PSD3: variants seen among roughly 807,000 people sequenced by gnomAD.
PSD3 encodes the protein pleckstrin and Sec7 domain containing 3, also known as PH and SEC7 domain-containing protein 3.
Under a neutral mutation model 105.5 loss-of-function variants are expected in PSD3, and 49 were observed. That is an observed-to-expected ratio of 0.46 (90% CI 0.37 to 0.59). The LOEUF is 0.59. Ranked by LOEUF, PSD3 falls within the 20% of genes least tolerant of loss-of-function variation. The pLI is 0.00. For synonymous variants in PSD3, 557 were observed against 457.8 expected, an observed-to-expected ratio of 1.22 and a Z score of -2.77; for missense variants, 1,561 against 1,263.8, an observed-to-expected ratio of 1.24 and a Z score of -3.57.
chr8:18,761,878 T>C (rs1806571051), intron 9 of PSD3, among the ~76,000 whole-genome samples: 1 of 152,222 alleles, frequency 6.6e-6, no homozygotes, highest in South Asian at 2.1e-4. Flanking sequence ...CAAATTTTTC[T>C]GTGTTTATCT....
At chr8:18,562,798 G>C (rs1405725370) in intron 14 of PSD3, among the ~76,000 whole-genome samples, 1 of 151,986 alleles carries the variant, frequency 6.6e-6, no homozygotes, top group Non-Finnish European at 1.5e-5. Context: ...CCGAGGCAGG[G>C]GAATTGCTTG....
intron 11 of PSD3, among the ~76,000 whole-genome samples, chr8:18,629,558 T>C (rs946612954): frequency 1.3e-5 from 2 of 151,868 alleles, no homozygotes; most frequent in African/African-American, 4.8e-5. Context: ...CACCTAACAA[T>C]ATACATGAAT....
At chr8:18,741,235 C>A (rs1489712756) in intron 9 of PSD3, among the ~76,000 whole-genome samples, 1 of 152,126 alleles carries the variant, frequency 6.6e-6, no homozygotes, top group Non-Finnish European at 1.5e-5. Context: ...AATCTCATTT[C>A]CTCCTGTAAC....
intron 9 of PSD3, among the ~76,000 whole-genome samples, chr8:18,724,416 A>G (rs949971576): frequency 1.3e-5 from 2 of 152,108 alleles, no homozygotes; most frequent in Non-Finnish European, 2.9e-5. Flanking sequence ...GTTCAAAGCC[A>G]GCCTGGGCAA....
chr8:18,708,562 T>G (rs1802040193), intron 9 of PSD3, among the ~76,000 whole-genome samples: 1 of 152,042 alleles, frequency 6.6e-6, no homozygotes. Flanking sequence ...TTTCCAAAAG[T>G]TTTTACTCTA....
intron 9 of PSD3, among the ~76,000 whole-genome samples, chr8:18,720,718 G>C (rs1469012892): frequency 1.3e-5 from 2 of 152,068 alleles, no homozygotes; most frequent in Admixed American, 6.6e-5. Context: ...TCTGCAGATG[G>C]CATACAATAC....
chr8:18,747,503 G>A (rs1478778725), intron 9 of PSD3, among the ~76,000 whole-genome samples: 2 of 152,182 alleles, frequency 1.3e-5, no homozygotes, highest in African/African-American at 4.8e-5. Context: ...GAAAGCAACA[G>A]CAATCTTTCT....
intron 11 of PSD3, among the ~76,000 whole-genome samples, chr8:18,619,408 G>C (rs1805943297): frequency 2.0e-5 from 3 of 152,144 alleles, no homozygotes; most frequent in Non-Finnish European, 4.4e-5. Context: ...ATTTTGGGAG[G>C]CCGAGGCAAG....
rs749631280 is a variant in PSD3, at chr8:18,871,984, C to T, written c.880G>A (p.Gly294Ser). 7 of 1,614,168 alleles carry T rather than the reference C, an allele frequency of 4.3e-6. No individual in the cohort carries two copies. The South Asian group carries it at 6.6e-5, about 15-fold the overall frequency. ...CDRSSSMGRP[G>S]RVKHVEFQGV... ...TGAAATTCCACATGTTTGACCCGGC[C>T]TGGGCGTCCCATGGAGCTGCTTCGA... The change falls in exon 3 of 16, where the codon GGC becomes AGC. Residue 294 changes from glycine (G) to serine (S), a missense_variant. Transcript: ENST00000327040.
chr8:18,717,034 T>G (rs1399888645), intron 9 of PSD3, among the ~76,000 whole-genome samples: 2 of 152,174 alleles, frequency 1.3e-5, no homozygotes, highest in East Asian at 3.9e-4. Flanking sequence ...AACTCAGACC[T>G]CTGGACTTAA....
chr8:18,714,702 C>T (rs899294353), intron 9 of PSD3, among the ~76,000 whole-genome samples: 1 of 152,156 alleles, frequency 6.6e-6, no homozygotes, highest in African/African-American at 2.4e-5. Context: ...TTGGTTCAAC[C>T]ATTGTAGAAG....
Position 18,979,495 on chromosome 8 carries a change from C to A in PSD3, c.21+34068G>T, listed in dbSNP as rs538531034. ...AAATTGCTGTTTTGATATGGTCTGC[C>A]CACAGTTCTTCCAAGGAAAATATTT... On this transcript the variant is annotated intron_variant, in intron 1 of 15. Coordinates refer to ENST00000327040, the MANE Select transcript of PSD3 (RefSeq NM_015310.4). 4 of 152,210 alleles carry A rather than the reference C, an allele frequency of 2.6e-5. No homozygotes were observed. In the East Asian group the frequency reaches 7.7e-4, roughly 29 times the overall value. The allele number at this position is 152,210 out of a possible 1,614,324, so 9.4% of individuals were successfully genotyped here. A position where few individuals can be genotyped will look rare whatever the true frequency, so the allele number is the denominator to read the frequency against.
At chr8:18,819,073 A>AAT (rs3042922) in intron 4 of PSD3, among the ~76,000 whole-genome samples, 121,170 of 151,700 alleles carry the variant, frequency 0.8, 49,388 homozygotes, top group East Asian at 0.91. Context: ...ACTTCCCGGC[A>AAT]AGACTACCTA....
Position 18,534,754 on chromosome 8 carries a change from TAGGA to T in PSD3, c.*985_*988del, listed in dbSNP as rs772130773. On this transcript the variant is annotated 3_prime_UTR_variant, in exon 16 of 16. Transcript: ENST00000327040. ...CTGTTTCATTTTAGTATTAATTTGTTAGGAAGGAAGACCTCAATATCACAACCAG... is the reference window on the plus strand; with the variant it reads ...CTGTTTCATTTTAGTATTAATTTGTTAGGAAGACCTCAATATCACAACCAG... 2 of 152,596 alleles carry T rather than the reference TAGGA, an allele frequency of 1.3e-5. No individual in the cohort carries two copies. Among genetic ancestry groups the T allele is most frequent in the Non-Finnish European group, 2.9e-5 (2 of 68,026 alleles). 9.5% of individuals were successfully genotyped at this position (152,596 alleles called of 1,614,324 possible).
At chr8:19,054,697 T>C (rs1324992328) in intron 1 of PSD3, among the ~76,000 whole-genome samples, 1 of 152,202 alleles carries the variant, frequency 6.6e-6, no homozygotes, top group East Asian at 1.9e-4. Context: ...GAGGTAAAAC[T>C]ATTTTGTAAA....
At chr8:18,938,258 A>G (rs1004358060) in intron 1 of PSD3, among the ~76,000 whole-genome samples, 62 of 152,344 alleles carry the variant, frequency 4.1e-4, no homozygotes, top group African/African-American at 1.5e-3. Flanking sequence ...AGGAATAGGC[A>G]AAAGTGGATG....
At chr8:18,837,495 A>G (rs1814208825) in intron 4 of PSD3, among the ~76,000 whole-genome samples, 1 of 152,236 alleles carries the variant, frequency 6.6e-6, no homozygotes, top group African/African-American at 2.4e-5. Context: ...GAAACTAATC[A>G]TGCTTCTGCT....
chr8:18,755,403 C>A (rs991116951), intron 9 of PSD3, among the ~76,000 whole-genome samples: 1 of 150,322 alleles, frequency 6.7e-6, no homozygotes, highest in Non-Finnish European at 1.5e-5. Context: ...GCACTCCTGC[C>A]TGGGCAACAG....
At position 18,572,624 on chromosome 8, in the gene PSD3, T is replaced by A. The variant is rs145864300; in HGVS notation, c.2688A>T (p.Ala896=). The part of the protein sequence containing the change: ...QGWINKINCV[A]AVFSAPPFPA... Reference sequence around the variant, plus strand: ...GAAATGGTGGTGCAGAAAATACAGCTGCCACACAATTGATTTTGTTTATCC... The same window carrying A: ...GAAATGGTGGTGCAGAAAATACAGCAGCCACACAATTGATTTTGTTTATCC... Residue 896 remains alanine (A), a synonymous_variant, in exon 14 of 16, where the codon GCA becomes GCT. Transcript: ENST00000327040. 3.1e-6 allele frequency: 5 copies of A among 1,614,082 alleles called. No homozygotes were observed. The highest frequency in any genetic ancestry group is 1.1e-5 in the South Asian group (1 of 91,066).
Sources: allele counts gnomAD v4.1 joint callset (sites outside exome capture counted in the v4.1 genomes callset), GRCh38; gene constraint gnomAD v4.1.1; transcripts MANE v1.5; gene names NCBI Gene and HGNC (gene_info 2026-07-23, HGNC 2026-07-21).